The following PDZD2 variants were observed in gnomAD, a reference collection of about 807,000 sequenced individuals.
PDZD2 encodes the protein PDZ domain-containing protein 2.
A neutral mutation model predicts 220.7 loss-of-function variants in PDZD2; 90 were observed. That is an observed-to-expected ratio of 0.41 (90% CI 0.34 to 0.49). PDZD2 has a LOEUF of 0.49. Among genes scored for constraint, PDZD2 ranks in the 20% least tolerant of loss-of-function variants. The probability of loss-of-function intolerance (pLI) is 0.28; values close to 1 mark genes in which losing one functional copy is unlikely to be tolerated. For synonymous variants in PDZD2, 1,375 were observed against 1,450.5 expected (o/e 0.95, Z 1.18); for missense variants, 3,174 against 3,608.5 (o/e 0.88, Z 3.08).
chr5:32,062,393 A>AT (rs35709661), intron 14 of PDZD2, among the ~76,000 whole-genome samples: 13,720 of 141,274 alleles, frequency 0.097, 795 homozygotes, highest in East Asian at 0.24. Context: ...TCAAGACTAA[A>AT]TTTTTTTTTT....
intron 1 of PDZD2, chr5:31,725,773 C>T: frequency 1.0e-6 from 1 of 959,964 alleles, no homozygotes; most frequent in African/African-American, 1.6e-5. Context: ...GGGACTTGGA[C>T]CGTGATCTTG....
intron 19 of PDZD2, among the ~76,000 whole-genome samples, chr5:32,080,381 A>G (rs368489319): frequency 0.054 from 7,095 of 132,298 alleles, 296 homozygotes; most frequent in African/African-American, 0.11. Context: ...GTGGGGGGTG[A>G]GGGGTTTCTA....
chr5:31,954,182 T>G lies in PDZD2; in HGVS notation c.477-28973T>G, dbSNP rs142026824. On this transcript the variant is annotated intron_variant, in intron 2 of 24. Coordinates refer to ENST00000438447, the MANE Select transcript of PDZD2 (RefSeq NM_178140.4). Reference sequence around the variant, plus strand: ...TGGTGTGAAGGAGTAACTTGGACATTTTACTCAGTCTGCTTCTCCACCACA... The same window carrying G: ...TGGTGTGAAGGAGTAACTTGGACATGTTACTCAGTCTGCTTCTCCACCACA... Among the ~76,000 whole-genome samples the G allele has an allele frequency of 3.5e-3, 539 of 152,252 alleles. 3 individuals are homozygous for G. Among genetic ancestry groups the G allele is most frequent in the African/African-American group, 0.012 (512 of 41,538 alleles).
intron 1 of PDZD2, among the ~76,000 whole-genome samples, chr5:31,696,772 A>G (rs1747397279): frequency 6.6e-6 from 1 of 152,172 alleles, no homozygotes; most frequent in African/African-American, 2.4e-5. Context: ...TCCTCTTTAC[A>G]ATTTCCAACT....
intron 1 of PDZD2, among the ~76,000 whole-genome samples, chr5:31,654,481 A>G (rs1000363363): frequency 9.2e-5 from 14 of 152,076 alleles, no homozygotes; most frequent in Admixed American, 7.9e-4. Context: ...ATGGCTTTAA[A>G]TGTTATCCGT....
At chr5:31,995,551 T>C (rs747550817) in intron 3 of PDZD2, 25 bp from the exon 4 acceptor site, 2 of 1,613,680 alleles carry the variant, frequency 1.2e-6, no homozygotes, top group East Asian at 2.2e-5. Context: ...ACCTCCTTCA[T>C]GGTGTGCTCA....
intron 1 of PDZD2, among the ~76,000 whole-genome samples, chr5:31,766,997 G>A (rs955851900): frequency 1.3e-5 from 2 of 148,942 alleles, no homozygotes; most frequent in East Asian, 4.0e-4. Context: ...AAGTGCTGGG[G>A]GATTACAGGT....
rs79686392 is a variant in PDZD2, at chr5:31,646,734, C to T, written c.-361+7297C>T. ...TAAAGCAGCCATGCAAATATTATTA[C>T]AAAACCACTCAGCATACAAAATTGG... On this transcript the variant is annotated intron_variant, in intron 1 of 24. Coordinates refer to ENST00000438447, the MANE Select transcript of PDZD2 (RefSeq NM_178140.4). This position sits in a 1 kb window ranked among gnomAD's most constrained non-coding sequence, Gnocchi z 4.7. 0.012 allele frequency among the ~76,000 whole-genome samples: 1,837 copies of T among 152,222 alleles called. 14 individuals carry two copies. Among genetic ancestry groups the T allele is most frequent in the South Asian group, 0.039 (190 of 4,812 alleles).
In PDZD2 at chr5:31,799,552, G is replaced by C. The variant is rs1296529554; in HGVS notation, c.304G>C (p.Gly102Arg). Residue 102 changes from glycine (G) to arginine (R), a missense_variant, in exon 2 of 25, where the codon GGG becomes CGG. Coordinates refer to ENST00000438447, the MANE Select transcript of PDZD2 (RefSeq NM_178140.4). ...CGGGGACTATGGTGAAAAGCGCAGG[G>C]GGGGCAAGAAGAGGAAAACCCACCA... is the stretch of plus-strand genomic sequence containing the variant. ...VFGDYGEKRR[G>R]GKKRKTHQGP... 4.3e-6 allele frequency: 7 copies of C among 1,614,038 alleles called. No homozygotes were observed. The East Asian group carries it at 1.3e-4, about 31-fold the overall frequency.
intron 2 of PDZD2, among the ~76,000 whole-genome samples, chr5:31,844,423 C>G (rs1354573176): frequency 2.0e-5 from 3 of 152,170 alleles, no homozygotes; most frequent in Non-Finnish European, 4.4e-5. Context: ...CTTCAAGCTT[C>G]TCGATTTTTA....
intron 2 of PDZD2, among the ~76,000 whole-genome samples, chr5:31,896,340 GTGTGTGTGTGTGTGTGTGTGTGTGTGTA>G (rs1220419440): frequency 1.3e-5 from 2 of 149,314 alleles, no homozygotes; most frequent in African/African-American, 5.0e-5. Flanking sequence ...GTGTGTGTGT[GTGTGTGTGTGTGTGTGTGTGTGTGTGTA>G]TGTGTGTGTG....
intron 1 of PDZD2, among the ~76,000 whole-genome samples, chr5:31,736,998 C>T (rs1040169283): frequency 6.6e-6 from 1 of 150,552 alleles, no homozygotes; most frequent in East Asian, 2.0e-4. Context: ...CAGCACTATG[C>T]TTCCTATACA....
At chr5:31,992,918 C>CA (rs141123833) in intron 3 of PDZD2, among the ~76,000 whole-genome samples, 6,502 of 151,464 alleles carry the variant, frequency 0.043, 158 homozygotes, top group Middle Eastern at 0.081. Context: ...GAGGCCGCCA[C>CA]AGGGCTGCTC....
chr5:31,976,565 A>G (rs1314021962), intron 2 of PDZD2, among the ~76,000 whole-genome samples: 2 of 152,114 alleles, frequency 1.3e-5, no homozygotes, highest in Non-Finnish European at 2.9e-5. Flanking sequence ...GGGACCTGAC[A>G]TACTCAGATG....
At chr5:31,875,004 A>G (rs972948474) in intron 2 of PDZD2, among the ~76,000 whole-genome samples, 4 of 152,194 alleles carry the variant, frequency 2.6e-5, no homozygotes, top group Non-Finnish European at 5.9e-5. Context: ...TGTACTGTTT[A>G]TAGATAAGCA....
intron 1 of PDZD2, among the ~76,000 whole-genome samples, chr5:31,650,875 G>C (rs922711468): frequency 6.6e-6 from 1 of 152,198 alleles, no homozygotes; most frequent in Non-Finnish European, 1.5e-5. Context: ...CCTAGGGTGA[G>C]AGCATGGACT....
intron 2 of PDZD2, among the ~76,000 whole-genome samples, chr5:31,973,478 C>A (rs1278851000): frequency 6.6e-6 from 1 of 152,112 alleles, no homozygotes; most frequent in East Asian, 1.9e-4. Flanking sequence ...TAGCAGTAAA[C>A]AGAAAAAGAA....
At position 32,015,232 on chromosome 5, in the gene PDZD2, G is replaced by A. The variant is rs560070934; in HGVS notation, c.1407+4750G>A. Among the ~76,000 whole-genome samples, 5 of 152,010 alleles carry A rather than the reference G, an allele frequency of 3.3e-5. No individual in the cohort carries two copies. In the East Asian group the frequency reaches 7.8e-4, roughly 24 times the overall value. Reference sequence around the variant, plus strand: ...GCTGGGATTACAGTCGGTAGCCACCGCACCTAGCCCGACAATTTCTTTTTT... The same window carrying A: ...GCTGGGATTACAGTCGGTAGCCACCACACCTAGCCCGACAATTTCTTTTTT... On this transcript the variant is annotated intron_variant, in intron 6 of 24. Transcript: ENST00000438447.
At position 32,057,714 on chromosome 5, in the gene PDZD2, A is replaced by G. The variant is rs1739214290; in HGVS notation, c.1960A>G (p.Ile654Val). The G allele has an allele frequency of 1.9e-6, 3 of 1,584,486 alleles. No individual in the cohort carries two copies. The highest frequency in any genetic ancestry group is 2.6e-6 in the Non-Finnish European group (3 of 1,154,116). Residue 654 changes from isoleucine to valine, a missense_variant, in exon 11 of 25, where the codon ATT (isoleucine) becomes GTT (valine). Transcript: ENST00000438447. ...PIKGLTFQEA[I>V]HTFKQIRSGL... is the part of the protein sequence containing the mutation. ...AAAGGGCTTGACATTTCAAGAAGCC[A>G]TTCATACCTTTAAGGTAACAACATT...
Sources: gnomAD v4.1 joint callset for allele counts (sites outside exome capture counted in the v4.1 genomes callset) on GRCh38, gnomAD v4.1.1 for gene constraint, Gnocchi (gnomAD v3.1) non-coding constraint, MANE v1.5 for transcripts, NCBI Gene and HGNC (gene_info 2026-07-23, HGNC 2026-07-21) for gene names.